MYO10: variants seen among roughly 807,000 people sequenced by gnomAD.
MYO10 encodes the protein myosin X.
Under a neutral mutation model 257.3 loss-of-function variants are expected in MYO10, and 133 were observed. The observed-to-expected ratio is 0.52, with a 90% CI of 0.45 to 0.60. MYO10 has a LOEUF of 0.60. Among genes scored for constraint, MYO10 ranks in the 20% least tolerant of loss-of-function variants. The pLI is 0.00. For missense variants in MYO10, 2,399 were observed against 2,635.7 expected (o/e 0.91, Z 1.97); for synonymous variants, 1,104 against 1,028.6 (o/e 1.07, Z -1.40).
chr5:16,908,753 A>T (rs566283954), intron 1 of MYO10, among the ~76,000 whole-genome samples: 40 of 152,376 alleles, frequency 2.6e-4, no homozygotes, highest in African/African-American at 9.1e-4. Flanking sequence ...AATGCATTTT[A>T]CACACATTTA....
chr5:16,759,638 CGAAACTCCACCTCG>C (rs562813813), intron 17 of MYO10, among the ~76,000 whole-genome samples: 11 of 152,150 alleles, frequency 7.2e-5, no homozygotes, highest in Non-Finnish European at 1.3e-4. Flanking sequence ...AGGCAGCTGG[CGAAACTCCACCTCG>C]CTGGTCTCCA....
intron 26 of MYO10, among the ~76,000 whole-genome samples, chr5:16,695,802 C>G (rs552219841): frequency 1.3e-5 from 2 of 152,116 alleles, no homozygotes; most frequent in Admixed American, 6.5e-5. Context: ...TCCTTTTATG[C>G]GTTCACTGTG....
chr5:16,881,552 C>T (rs1358530885), intron 1 of MYO10, among the ~76,000 whole-genome samples: 1 of 152,206 alleles, frequency 6.6e-6, no homozygotes, highest in East Asian at 1.9e-4. Context: ...CTAGGTCTAT[C>T]ACAAACAGCT....
At chr5:16,683,840 G>T in intron 30 of MYO10, 40 bp downstream of exon 30, 1 of 1,601,688 alleles carries the variant, frequency 6.2e-7, no homozygotes, top group Non-Finnish European at 8.5e-7. Context: ...ACACACACAG[G>T]TGATGAGCTG....
chr5:16,902,341 A>G, intron 1 of MYO10: 1 of 1,148,746 alleles, frequency 8.7e-7, no homozygotes, highest in Non-Finnish European at 1.3e-6. Flanking sequence ...GCAGTTCTAA[A>G]TCAGGGTGGG....
chr5:16,799,874 G>A (rs1479850033), intron 3 of MYO10, among the ~76,000 whole-genome samples: 2 of 152,072 alleles, frequency 1.3e-5, no homozygotes, highest in Non-Finnish European at 2.9e-5. Context: ...CCTTGCTGAT[G>A]GTCACGCAGC....
intron 1 of MYO10, among the ~76,000 whole-genome samples, chr5:16,880,004 C>T (rs577904878): frequency 5.9e-5 from 9 of 152,120 alleles, no homozygotes; most frequent in African/African-American, 1.7e-4. Flanking sequence ...GTGGTAAAAC[C>T]GCGTGTCTAC....
chr5:16,672,196 G>T (rs1736497987), intron 37 of MYO10, among the ~76,000 whole-genome samples: 1 of 151,772 alleles, frequency 6.6e-6, no homozygotes, highest in Non-Finnish European at 1.5e-5. Context: ...TCGGGAGTCT[G>T]AGGCAGGAGA....
rs754532622 is a variant in MYO10 at position 16,700,963 on chromosome 5, C to T, written c.3432G>A (p.Ser1144=). 9.3e-5 allele frequency: 144 copies of T among 1,548,710 alleles called. No individual in the cohort carries two copies. Among genetic ancestry groups the T allele is most frequent in the Non-Finnish European group, 1.1e-4 (125 of 1,144,950 alleles). ...TGGGACACGCCAGGCAGGTACTTAC[C>T]GAGGACTGCGCCCCCTCAGAGCTGA... ...YRFSSEGAQS[S]FEDSEEDFDS... Residue 1144 remains serine (S), a splice_region_variant and synonymous_variant, in exon 25 of 41, where the codon TCG becomes TCA. Coordinates refer to ENST00000513610, the MANE Select transcript of MYO10 (RefSeq NM_012334.3).
intron 3 of MYO10, among the ~76,000 whole-genome samples, chr5:16,812,070 C>T (rs930397088): frequency 3.3e-5 from 5 of 152,140 alleles, no homozygotes; most frequent in Non-Finnish European, 7.4e-5. Flanking sequence ...AGGAAGGGGA[C>T]AATCAGGAGA....
chr5:16,723,495 G>A (rs1223851367), intron 19 of MYO10, among the ~76,000 whole-genome samples: 1 of 152,144 alleles, frequency 6.6e-6, no homozygotes, highest in Non-Finnish European at 1.5e-5. Flanking sequence ...AAAATGTGGA[G>A]CAACAAGAAC....
chr5:16,886,292 G>A (rs1296698531), intron 1 of MYO10, among the ~76,000 whole-genome samples: 1 of 152,160 alleles, frequency 6.6e-6, no homozygotes, highest in Non-Finnish European at 1.5e-5. Flanking sequence ...TGATAAAGTT[G>A]GAAATGTGTG....
intron 19 of MYO10, among the ~76,000 whole-genome samples, chr5:16,718,522 A>T (rs890334519): frequency 2.0e-5 from 3 of 152,016 alleles, no homozygotes; most frequent in Non-Finnish European, 4.4e-5. Flanking sequence ...ACCAATCGAC[A>T]CTCTGTATCT....
chr5:16,902,779 GGCGTAA>G, intron 1 of MYO10: 1 of 627,226 alleles, frequency 1.6e-6, no homozygotes, highest in Non-Finnish European at 2.8e-6. Flanking sequence ...CGGGATTACA[GGCGTAA>G]GCCACCGTGC....
At chr5:16,833,144 G>A (rs1445528151) in intron 2 of MYO10, among the ~76,000 whole-genome samples, 14 of 151,904 alleles carry the variant, frequency 9.2e-5, no homozygotes, top group Admixed American at 9.2e-4. Flanking sequence ...TCTCAAATTA[G>A]AGTCCAAGAT....
intron 2 of MYO10, among the ~76,000 whole-genome samples, chr5:16,837,753 C>T (rs17651266): frequency 0.15 from 22,143 of 152,094 alleles, 1,944 homozygotes; most frequent in East Asian, 0.27. Context: ...ACTGAGCCCA[C>T]CTCAAATACA....
rs527622712 is a variant in MYO10, at chr5:16,716,047, C to A, written c.1930-4802G>T. 9.3e-4 allele frequency among the ~76,000 whole-genome samples: 99 copies of A among 106,644 alleles called. 1 individual carries two copies. Among genetic ancestry groups the A allele is most frequent in the African/African-American group, 3.2e-3 (91 of 28,778 alleles). The allele number at this position is 106,644 out of a possible 152,430, so 70.0% of individuals were successfully genotyped here. ...CCCCAGCCTGGGCAACAGAGTGACA[C>A]TCCGTCTCGAAAAAAAAAAAAGTAC... On this transcript the variant is annotated intron_variant, in intron 19 of 40. Coordinates refer to ENST00000513610, the MANE Select transcript of MYO10 (RefSeq NM_012334.3).
In MYO10 at chr5:16,671,520, C is replaced by T. The variant is rs780119464; in HGVS notation, c.5332G>A (p.Gly1778Arg). ...AAGTAGAATTTCCATGGCAGGTCCCCAACCTCGGATGTGGCAGCCAGCCTA... is the reference window on the plus strand; with the variant it reads ...AAGTAGAATTTCCATGGCAGGTCCCTAACCTCGGATGTGGCAGCCAGCCTA... ...FEKLAATSEV[G>R]DLPWKFYFKL... Residue 1778 changes from glycine (G) to arginine (R), a missense_variant, in exon 38 of 41, where the codon GGG becomes AGG. Gly to Arg is a moderately radical substitution (Grantham distance 125, BLOSUM62 -2). Around this residue, in one of 3 missense-constraint regions of MYO10, gnomAD observed 1,820 missense variants for 1,939.4 expected, o/e 0.94. Coordinates refer to ENST00000513610, the MANE Select transcript of MYO10 (RefSeq NM_012334.3). 6.2e-7 allele frequency: 1 copy of T among 1,613,974 alleles called. No individual in the cohort carries two copies. Among genetic ancestry groups the T allele is most frequent in the Non-Finnish European group, 8.5e-7 (1 of 1,179,868 alleles).
At chr5:16,783,702 AC>A (rs1741491872) in intron 4 of MYO10, among the ~76,000 whole-genome samples, 1 of 152,180 alleles carries the variant, frequency 6.6e-6, no homozygotes, top group Non-Finnish European at 1.5e-5. Flanking sequence ...GGCAAATAGA[AC>A]TACCTTTTCC....
Sources: allele counts gnomAD v4.1 joint callset (sites outside exome capture counted in the v4.1 genomes callset), GRCh38; gene constraint gnomAD v4.1.1; regional missense constraint gnomAD v4.1.1; transcripts MANE v1.5; gene names NCBI Gene and HGNC (gene_info 2026-07-23, HGNC 2026-07-21).